Variants in NUP153 observed in about 807,000 individuals in gnomAD.
NUP153 encodes nucleoporin 153.
Under a neutral mutation model 134.6 loss-of-function variants are expected in NUP153, and 27 were observed. The observed-to-expected ratio is 0.20, with a 90% CI of 0.15 to 0.28. NUP153 has a LOEUF of 0.28. NUP153 is among the 10% of genes least tolerant of loss of function. The pLI is 1.00. For synonymous variants in NUP153, 640 were observed against 623.5 expected, an observed-to-expected ratio of 1.03 and a Z score of -0.40; for missense variants, 1,821 against 1,731.3, an observed-to-expected ratio of 1.05 and a Z score of -0.92.
Position 17,682,951 on chromosome 6 carries a change from T to C in NUP153, c.334+5445A>G, listed in dbSNP as rs573792253. On this transcript the variant is annotated intron_variant, in intron 2 of 21. Transcript: ENST00000262077. Reference sequence around the variant, plus strand: ...AAAAAAAAAAAAAAAAACACTTTCTTTGCGCATCCACAAGAAGCAACTCCT... The same window carrying C: ...AAAAAAAAAAAAAAAAACACTTTCTCTGCGCATCCACAAGAAGCAACTCCT... Among the ~76,000 whole-genome samples the C allele has an allele frequency of 1.7e-4, 26 of 151,856 alleles. No homozygotes were observed. In the East Asian group the frequency reaches 4.8e-3, roughly 28 times the overall value.
rs1198913758 is a variant in NUP153 at position 17,628,658 on chromosome 6, C to T, written c.3541G>A (p.Ala1181Thr). 14 of 1,554,098 alleles carry T rather than the reference C, an allele frequency of 9.0e-6. No individual in the cohort carries two copies. Among genetic ancestry groups the T allele is most frequent in the Non-Finnish European group, 1.1e-5 (13 of 1,148,600 alleles). ...FAFGAQTSTTADQGAAKPVFS... is the reference protein window; with the variant it reads ...FAFGAQTSTTTDQGAAKPVFS... ...ATAATAAAAAGTTAATACTTACCAG[C>T]TGTAGTACTAGTTTGAGCTCCAAAG... Residue 1181 changes from alanine (A) to threonine (T), a missense_variant, in exon 18 of 22, where the codon GCT becomes ACT. Physicochemically the swap from Ala to Thr is moderately conservative, Grantham distance 58. Transcript: ENST00000262077. This position sits in a 1 kb window ranked among gnomAD's most constrained non-coding sequence, Gnocchi z 5.4.
chr6:17,689,065 A>G (rs1769120021), intron 1 of NUP153, among the ~76,000 whole-genome samples: 2 of 144,782 alleles, frequency 1.4e-5, no homozygotes, highest in Non-Finnish European at 3.0e-5. Context: ...CTAGAAATAC[A>G]AGAGTTAAAA....
At chr6:17,688,216 ACCTT>A (rs1769058575) in intron 2 of NUP153, among the ~76,000 whole-genome samples, 176 bp downstream of exon 2, 1 of 152,252 alleles carries the variant, frequency 6.6e-6, no homozygotes, top group Non-Finnish European at 1.5e-5. Context: ...TAGTTTATCA[ACCTT>A]CCTTAATAAA....
rs146628588 is a variant in NUP153, at chr6:17,646,414, G to A, written c.1633-260C>T. Among the ~76,000 whole-genome samples, 668 of 152,214 alleles carry A rather than the reference G, an allele frequency of 4.4e-3. 4 individuals carry two copies. The highest frequency in any genetic ancestry group is 8.5e-3 in the Admixed American group (130 of 15,280). The stretch of plus-strand genomic sequence containing the variant: ...GTAGAGATGGGGTTTCACTGTGTTA[G>A]CCAGGATGGTCTCGATCTACTGACC... On this transcript the variant is annotated intron_variant, in intron 13 of 21. Transcript: ENST00000262077.
chr6:17,706,491 A>G lies in NUP153; in HGVS notation c.-104T>C. Reference sequence around the variant, plus strand: ...CCCCGCCGCCCGGCCCCGGCCCAAAAGTCCGCCCGCGCTGTCCACACAGTG... The same window carrying G: ...CCCCGCCGCCCGGCCCCGGCCCAAAGGTCCGCCCGCGCTGTCCACACAGTG... On this transcript the variant is annotated 5_prime_UTR_variant, in exon 1 of 22. Transcript: ENST00000262077. This position sits in a 1 kb window ranked among gnomAD's most constrained non-coding sequence, Gnocchi z 5.9. 3 of 814,444 alleles carry G rather than the reference A, an allele frequency of 3.7e-6. No individual in the cohort carries two copies. Among genetic ancestry groups the G allele is most frequent in the South Asian group, 1.7e-5 (1 of 59,650 alleles). 50.5% of individuals were successfully genotyped at this position (814,444 alleles called of 1,614,324 possible).
At chr6:17,697,230 G>T (rs1452437027) in intron 1 of NUP153, among the ~76,000 whole-genome samples, 2 of 152,090 alleles carry the variant, frequency 1.3e-5, no homozygotes, top group African/African-American at 4.8e-5. Flanking sequence ...AAGAAAGAAG[G>T]GTTCTTCATT....
chr6:17,687,823 G>A (rs1769026362), intron 2 of NUP153, among the ~76,000 whole-genome samples: 1 of 152,164 alleles, frequency 6.6e-6, no homozygotes, highest in Non-Finnish European at 1.5e-5. Flanking sequence ...GTGCTTTAAA[G>A]GATAGGCTTG....
chr6:17,677,512 C>G (rs933923660), intron 2 of NUP153, among the ~76,000 whole-genome samples: 2 of 152,124 alleles, frequency 1.3e-5, no homozygotes, highest in East Asian at 1.9e-4. Flanking sequence ...AAGCAGCTAT[C>G]TGGAATATGT....
intron 18 of NUP153, among the ~76,000 whole-genome samples, chr6:17,627,701 T>C (rs1307856745): frequency 1.3e-5 from 2 of 152,218 alleles, no homozygotes; most frequent in East Asian, 1.9e-4. Context: ...AACAGAATTC[T>C]AGGTTCAAGA....
At chr6:17,701,838 G>GGGT (rs1554148703) in intron 1 of NUP153, among the ~76,000 whole-genome samples, 1 of 105,978 alleles carries the variant, frequency 9.4e-6, no homozygotes, top group Non-Finnish European at 2.1e-5. Context: ...GTCTCGGGGG[G>GGGT]GGGGGGAAAA....
intron 21 of NUP153, among the ~76,000 whole-genome samples, 158 bp from the exon 22 acceptor site, chr6:17,616,339 G>A (rs1266700794): frequency 2.6e-5 from 4 of 151,988 alleles, no homozygotes; most frequent in Non-Finnish European, 5.9e-5. Flanking sequence ...TAACACACAC[G>A]CTACTGTTAT....
intron 16 of NUP153, among the ~76,000 whole-genome samples, chr6:17,634,860 G>C (rs77242493): frequency 0.019 from 2,934 of 152,080 alleles, 96 homozygotes; most frequent in African/African-American, 0.067. Context: ...AGGGGAGGCG[G>C]GGGTGGTCCA....
At chr6:17,636,334 CAAAAA>C (rs199891939) in intron 16 of NUP153, among the ~76,000 whole-genome samples, 1 of 67,586 alleles carries the variant, frequency 1.5e-5, no homozygotes, top group African/African-American at 4.9e-5. Flanking sequence ...GACTCTGTCT[CAAAAA>C]AAAAAAAAAA....
intron 1 of NUP153, among the ~76,000 whole-genome samples, chr6:17,705,689 T>C (rs1770436058): frequency 6.6e-6 from 1 of 151,516 alleles, no homozygotes; most frequent in Non-Finnish European, 1.5e-5. Context: ...GTTAATAAAA[T>C]CTAAGCCAAT....
At position 17,706,110 on chromosome 6, in the gene NUP153, A is replaced by C. The variant is rs1005620078; in HGVS notation, c.111+167T>G. 6.4e-6 allele frequency: 4 copies of C among 622,822 alleles called. No homozygotes were observed. The highest frequency in any genetic ancestry group is 1.1e-5 in the Non-Finnish European group (4 of 355,456). The allele number at this position is 622,822 out of a possible 1,614,324, so 38.6% of individuals were successfully genotyped here. On this transcript the variant is annotated intron_variant, in intron 1 of 21. Transcript: ENST00000262077. This position sits in a 1 kb window ranked among gnomAD's most constrained non-coding sequence, Gnocchi z 5.9. ...CGCAAGGCTGGGCCTGTCTCAGCCC[A>C]CTTCCCGTCGCCACCCCCAACGGCC...
At chr6:17,640,099 A>G in intron 14 of NUP153, 35 bp from the exon 15 acceptor site, 1 of 1,434,932 alleles carries the variant, frequency 7.0e-7, no homozygotes, top group South Asian at 1.5e-5. Context: ...CATTATGCCA[A>G]ATAAAACACT....
intron 18 of NUP153, among the ~76,000 whole-genome samples, chr6:17,626,451 G>A (rs1430300523): frequency 6.6e-6 from 1 of 152,168 alleles, no homozygotes; most frequent in Non-Finnish European, 1.5e-5. Flanking sequence ...ACTGGATACT[G>A]TAGTTGAATA....
Position 17,669,275 on chromosome 6 carries a change from G to C in NUP153, c.1014+18C>G. The C allele has an allele frequency of 6.2e-7, 1 of 1,601,588 alleles. No individual in the cohort carries two copies. The highest frequency in any genetic ancestry group is 1.1e-5 in the South Asian group (1 of 90,636). On this transcript the variant is annotated intron_variant, in intron 7 of 21. Coordinates refer to ENST00000262077, the MANE Select transcript of NUP153 (RefSeq NM_005124.4). ...TGTATGAACAATATTTTGTAAAAAG[G>C]TTTAAATCTCAACTTACAGAATTCA...
chr6:17,677,851 T>C (rs920620764), intron 2 of NUP153, among the ~76,000 whole-genome samples: 1 of 151,996 alleles, frequency 6.6e-6, no homozygotes, highest in African/African-American at 2.4e-5. Flanking sequence ...ATGGGATCCT[T>C]TCTTCTTTCG....
Sources: gnomAD v4.1 joint callset for allele counts (sites outside exome capture counted in the v4.1 genomes callset) on GRCh38, gnomAD v4.1.1 for gene constraint, Gnocchi (gnomAD v3.1) non-coding constraint, MANE v1.5 for transcripts, NCBI Gene and HGNC (gene_info 2026-07-23, HGNC 2026-07-21) for gene names.